CSMD1: variants seen among roughly 807,000 people sequenced by gnomAD.
CSMD1 encodes the protein CUB and sushi domain-containing protein 1.
A neutral mutation model predicts 417.5 loss-of-function variants in CSMD1; 213 were observed. The ratio of observed to expected loss-of-function variants is 0.51; its 90% CI spans 0.46 to 0.57. The LOEUF is 0.57. Among genes scored for constraint, CSMD1 ranks in the 20% least tolerant of loss-of-function variants. The pLI is 0.00. For missense variants in CSMD1, 6,923 were observed against 4,529.7 expected (o/e 1.53, Z -15.17); for synonymous variants, 2,862 against 1,736.8 (o/e 1.65, Z -16.11).
rs71203456 is a variant in CSMD1, at chr8:3,644,966, G to GAAAAAAAAAAA, written c.1010-28180_1010-28170dup. Among the ~76,000 whole-genome samples, 52 of 64,516 alleles carry GAAAAAAAAAAA rather than the reference G, an allele frequency of 8.1e-4. 3 individuals are homozygous for GAAAAAAAAAAA. Among genetic ancestry groups the GAAAAAAAAAAA allele is most frequent in the African/African-American group, 3.6e-3 (45 of 12,496 alleles). 42.3% of individuals were successfully genotyped at this position (64,516 alleles called of 152,430 possible). On this transcript the variant is annotated intron_variant, in intron 7 of 69. Coordinates refer to ENST00000635120, the MANE Select transcript of CSMD1 (RefSeq NM_033225.6). The stretch of plus-strand genomic sequence containing the variant: ...GTTACGGATCACTAAGGCTTTAAAT[G>GAAAAAAAAAAA]AAAAAAAAAAAAAAAAAAAAAAAAA...
chr8:3,778,765 G>C (rs1293070614), intron 5 of CSMD1, among the ~76,000 whole-genome samples: 1 of 152,204 alleles, frequency 6.6e-6, no homozygotes, highest in Admixed American at 6.5e-5. Flanking sequence ...AATTGCTTGT[G>C]ATTGGGTATC....
chr8:3,544,417 TG>T (rs1798570834), intron 10 of CSMD1, among the ~76,000 whole-genome samples: 1 of 152,180 alleles, frequency 6.6e-6, no homozygotes, highest in Non-Finnish European at 1.5e-5. Flanking sequence ...GCATTTTACC[TG>T]GGATGGAGGC....
chr8:3,958,541 T>C (rs988233468), intron 5 of CSMD1, among the ~76,000 whole-genome samples: 5 of 152,208 alleles, frequency 3.3e-5, no homozygotes, highest in African/African-American at 1.2e-4. Flanking sequence ...GTTCTATTAT[T>C]CATTTACTGA....
chr8:3,789,536 T>C (rs866224657), intron 5 of CSMD1, among the ~76,000 whole-genome samples: 71 of 151,370 alleles, frequency 4.7e-4, no homozygotes, highest in South Asian at 1.3e-3. Flanking sequence ...GCTAGTACTT[T>C]AATACTCCAA....
intron 66 of CSMD1, among the ~76,000 whole-genome samples, chr8:2,950,886 T>C (rs905705364): frequency 6.6e-6 from 1 of 152,190 alleles, no homozygotes; most frequent in African/African-American, 2.4e-5. Context: ...AATATGTGCA[T>C]AATTTTGAGC....
At chr8:3,781,752 T>C (rs564539671) in intron 5 of CSMD1, among the ~76,000 whole-genome samples, 3 of 152,190 alleles carry the variant, frequency 2.0e-5, no homozygotes, top group South Asian at 2.1e-4. Context: ...GACAATCTGA[T>C]AGAGACAACA....
chr8:4,249,705 G>A (rs777347096), intron 3 of CSMD1, among the ~76,000 whole-genome samples: 4 of 152,182 alleles, frequency 2.6e-5, no homozygotes, highest in Admixed American at 2.0e-4. Context: ...AATAAAGCTG[G>A]AAGACTTGGC....
intron 1 of CSMD1, among the ~76,000 whole-genome samples, chr8:4,915,239 T>C (rs988602460): frequency 7.9e-5 from 12 of 152,178 alleles, no homozygotes; most frequent in Non-Finnish European, 5.9e-5. Flanking sequence ...AAAATATGTA[T>C]AACAAGAAAA....
At chr8:3,860,094 T>G (rs147818400) in intron 5 of CSMD1, among the ~76,000 whole-genome samples, 48 of 152,210 alleles carry the variant, frequency 3.2e-4, no homozygotes, top group African/African-American at 1.1e-3. Context: ...GGTCACACTT[T>G]AAAAAGTTTG....
chr8:2,953,278 T>G (rs1802759869), intron 65 of CSMD1, among the ~76,000 whole-genome samples: 1 of 152,200 alleles, frequency 6.6e-6, no homozygotes, highest in African/African-American at 2.4e-5. Flanking sequence ...TTATTCAGAT[T>G]GGAGAAATTC....
intron 3 of CSMD1, among the ~76,000 whole-genome samples, chr8:4,077,147 G>A (rs564434623): frequency 1.3e-5 from 2 of 151,534 alleles, no homozygotes; most frequent in African/African-American, 4.9e-5. Flanking sequence ...AAAGTTAAAT[G>A]ACGCATCCAA....
intron 62 of CSMD1, 90 bp from the exon 63 acceptor site, chr8:2,957,897 A>T: frequency 1.2e-6 from 1 of 843,858 alleles, no homozygotes. Flanking sequence ...CCCGAGTAAA[A>T]GTACAGCAGC....
intron 2 of CSMD1, among the ~76,000 whole-genome samples, chr8:4,461,306 C>G (rs994518879): frequency 6.6e-6 from 1 of 151,902 alleles, no homozygotes; most frequent in Non-Finnish European, 1.5e-5. Context: ...CATTTTCTGC[C>G]TAAAATCAGC....
chr8:3,973,936 G>A (rs948723755), intron 5 of CSMD1, among the ~76,000 whole-genome samples: 4 of 152,158 alleles, frequency 2.6e-5, no homozygotes, highest in African/African-American at 7.2e-5. Flanking sequence ...TGTGAAACAT[G>A]CACATCATGA....
intron 1 of CSMD1, among the ~76,000 whole-genome samples, chr8:4,699,544 A>C (rs1323923487): frequency 6.6e-6 from 1 of 152,134 alleles, no homozygotes; most frequent in African/African-American, 2.4e-5. Context: ...TGTCTTATTA[A>C]CTCTTCTGTG....
intron 2 of CSMD1, among the ~76,000 whole-genome samples, chr8:4,561,983 G>T (rs923749310): frequency 6.6e-6 from 1 of 152,152 alleles, no homozygotes; most frequent in Non-Finnish European, 1.5e-5. Context: ...AACGAAGAGA[G>T]TTAAGGAAGC....
chr8:4,785,134 T>C (rs144950840), intron 1 of CSMD1, among the ~76,000 whole-genome samples: 4 of 152,326 alleles, frequency 2.6e-5, no homozygotes, highest in African/African-American at 7.2e-5. Flanking sequence ...TTTTAAACCA[T>C]GTGGAAAAGA....
chr8:3,966,305 G>A (rs967749254), intron 5 of CSMD1, among the ~76,000 whole-genome samples: 1 of 152,142 alleles, frequency 6.6e-6, no homozygotes, highest in Non-Finnish European at 1.5e-5. Context: ...GTAACTGATG[G>A]AGAAGAGGGA....
At chr8:4,237,457 C>G (rs1356293284) in intron 3 of CSMD1, among the ~76,000 whole-genome samples, 4 of 151,942 alleles carry the variant, frequency 2.6e-5, no homozygotes, top group African/African-American at 7.3e-5. Context: ...ACGGTAAGAG[C>G]TTTGAAGTGA....
Sources: allele counts gnomAD v4.1 joint callset (sites outside exome capture counted in the v4.1 genomes callset), GRCh38; gene constraint gnomAD v4.1.1; transcripts MANE v1.5; gene names NCBI Gene and HGNC (gene_info 2026-07-23, HGNC 2026-07-21).